The following CFP variants were observed in gnomAD, a reference collection of about 807,000 sequenced individuals.
The protein encoded by CFP is complement factor properdin, also known as properdin.
Under a neutral mutation model 42.1 loss-of-function variants are expected in CFP, and 14 were observed. The observed-to-expected ratio is 0.33, with a 90% CI of 0.22 to 0.52. The LOEUF is 0.52. CFP is among the 20% of genes least tolerant of loss of function. The pLI is 0.96. For synonymous variants in CFP, 149 were observed against 160.6 expected (o/e 0.93, Z 0.54); for missense variants, 318 against 400.4 (o/e 0.79, Z 1.76).
At position 47,629,782 on chromosome X, in the gene CFP, G is replaced by T; in HGVS notation, c.63C>A (p.Thr21=). ...LLLPPLLLLL[T]LPATGSDPVL... ...TCACCCCCTCACCTGTGGCTGGCAG[G>T]GTGAGCAGCAGGAGCAGCGGCGGCA... Residue 21 remains threonine (T), a synonymous_variant, in exon 1 of 9, where the codon ACC becomes ACA. Transcript: ENST00000396992. The T allele has an allele frequency of 8.5e-7, 1 of 1,169,747 alleles. No individual in the cohort carries two copies. The highest frequency in any genetic ancestry group is 1.1e-6 in the Non-Finnish European group (1 of 873,989).
At chrX:47,629,475 C>G in intron 2 of CFP, 49 bp downstream of exon 2, 1 of 1,021,502 alleles carries the variant, frequency 9.8e-7, no homozygotes, top group Non-Finnish European at 1.3e-6. Flanking sequence ...GTGACCCCCA[C>G]AGACAGTCCT....
upstream of CFP, chrX:47,630,182 G>A: frequency 3.3e-6 from 1 of 304,477 alleles, no homozygotes; most frequent in South Asian, 4.8e-5. Context: ...GTGTGACCTT[G>A]GGTGAGTCAC....
At chrX:47,624,560 C>CCT in intron 8 of CFP, 120 bp from the exon 9 acceptor site, 3 of 317,863 alleles carry the variant, frequency 9.4e-6, no homozygotes, top group Non-Finnish European at 1.4e-5. Context: ...TTTTTTTTTC[C>CCT]TTTTTTTTTT....
intron 2 of CFP, chrX:47,629,222 A>G: frequency 3.3e-6 from 1 of 303,885 alleles, no homozygotes; most frequent in Non-Finnish European, 5.8e-6. Context: ...GACATTTGGC[A>G]ATGTCTGCTG....
chrX:47,627,996 C>G, intron 3 of CFP, 106 bp downstream of exon 3: 1 of 969,479 alleles, frequency 1.0e-6, no homozygotes, highest in Non-Finnish European at 1.4e-6. Context: ...CTCCTTAGGT[C>G]CTTACAAACA....
Position 47,628,178 on chromosome X carries a change from C to T in CFP, c.327G>A (p.Gly109=). ...LRYRRCVGWN[G]QCSGKVAPGT... ...CAGGTGCCACCTTTCCAGAGCACTG[C>T]CCATTCCAGCCCACACAGCGCCGGT... The change falls in exon 3 of 9, where the codon GGG becomes GGA. Residue 109 remains glycine (G), a synonymous_variant. Transcript: ENST00000396992. 1 of 1,211,660 alleles carries T rather than the reference C, an allele frequency of 8.3e-7. No homozygotes were observed.
Position 47,624,117 on chromosome X carries a change from G to A in CFP, c.*158C>T. 1 of 554,005 alleles carries A rather than the reference G, an allele frequency of 1.8e-6. No individual in the cohort carries two copies. Among genetic ancestry groups the A allele is most frequent in the Non-Finnish European group, 3.1e-6 (1 of 320,969 alleles). The allele number at this position is 554,005 out of a possible 1,213,427, so 45.7% of individuals were successfully genotyped here. On this transcript the variant is annotated 3_prime_UTR_variant, in exon 9 of 9. Transcript: ENST00000396992. ...TTCCGCAACAGGCTGCTGTGTCTTG[G>A]CCCGTGCTGTGCTGTTTGCCCTATG...
chrX:47,626,449 A>G lies in CFP; in HGVS notation c.1011T>C (p.Cys337=), dbSNP rs376054334. The G allele has an allele frequency of 1.7e-6, 2 of 1,209,317 alleles. No homozygotes were observed. Among genetic ancestry groups the G allele is most frequent in the African/African-American group, 3.5e-5 (2 of 56,858 alleles). The change falls in exon 7 of 9, where the codon TGT becomes TGC. Residue 337 remains cysteine, a synonymous_variant. Coordinates refer to ENST00000396992, the MANE Select transcript of CFP (RefSeq NM_001145252.3). ...GTGACTGCTGGCCCGGGATTTCTTG[A>G]CAGCTGATGGACTTCATGTTCCGTC... ...CIRRNMKSIS[C]QEIPGQQSRG...
chrX:47,629,227 C>T (rs1409003062), intron 2 of CFP: 1 of 323,127 alleles, frequency 3.1e-6, no homozygotes, highest in African/African-American at 2.7e-5. Flanking sequence ...TTGGCAATGT[C>T]TGCTGACATG....
intron 8 of CFP, chrX:47,625,663 CTG>C: frequency 3.9e-6 from 1 of 258,682 alleles, no homozygotes; most frequent in Non-Finnish European, 7.2e-6. Flanking sequence ...GTATCTGCAA[CTG>C]TTGCTGAAAA....
intron 5 of CFP, 88 bp from the exon 6 acceptor site, chrX:47,627,034 T>C: frequency 8.7e-7 from 1 of 1,143,794 alleles, no homozygotes; most frequent in South Asian, 1.9e-5. Context: ...TGTCCCCAAA[T>C]GAAGGGCTGC....
chrX:47,624,536 C>A, intron 8 of CFP, 96 bp from the exon 9 acceptor site: 1 of 489,184 alleles, frequency 2.0e-6, no homozygotes, highest in Non-Finnish European at 2.9e-6. Context: ...ATGCCGAGGG[C>A]TACTTTTTTT....
chrX:47,630,211 A>G, upstream of CFP: 1 of 255,735 alleles, frequency 3.9e-6, no homozygotes, highest in Non-Finnish European at 7.1e-6. Flanking sequence ...CCTGAGCCTC[A>G]GTTTCCCTAT....
chrX:47,629,492 C>G, intron 2 of CFP, 32 bp downstream of exon 2: 2 of 626,911 alleles, frequency 3.2e-6, no homozygotes, highest in Non-Finnish European at 5.1e-6. Context: ...TCCTTCCCTC[C>G]CCCCCATCCC....
At position 47,626,063 on chromosome X, in the gene CFP, C is replaced by T; in HGVS notation, c.1239G>A (p.Lys413=). 1 of 1,173,747 alleles carries T rather than the reference C, an allele frequency of 8.5e-7. No homozygotes were observed. Among genetic ancestry groups the T allele is most frequent in the Non-Finnish European group, 1.1e-6 (1 of 875,042 alleles). ...TACTTTGCCCTCTCACTCACGGGTA[C>T]TTGGGGAGCAAGGGTGTGCAGAGGC... ...RQRLCTPLLP[K]YPPTVSMVEG... The change falls in exon 8 of 9, where the codon AAG becomes AAA. Residue 413 remains lysine (K), a synonymous_variant. Coordinates refer to ENST00000396992, the MANE Select transcript of CFP (RefSeq NM_001145252.3).
At chrX:47,630,158 G>C, upstream of CFP, 1 of 340,036 alleles carries the variant, frequency 2.9e-6, no homozygotes, top group Non-Finnish European at 5.2e-6. Context: ...GGAGCGTGCA[G>C]CAACTTCCTA....
chrX:47,624,481 C>T, intron 8 of CFP, 41 bp from the exon 9 acceptor site: 1 of 1,151,093 alleles, frequency 8.7e-7, no homozygotes, highest in Non-Finnish European at 1.2e-6. Flanking sequence ...GGGAGAATCT[C>T]AGGGAAGGCA....
chrX:47,629,685 G>A lies in CFP; in HGVS notation c.77-11C>T. 1 of 803,508 alleles carries A rather than the reference G, an allele frequency of 1.2e-6. No individual in the cohort carries two copies. Among genetic ancestry groups the A allele is most frequent in the Middle Eastern group, 3.4e-4 (1 of 2,919 alleles). The allele number at this position is 803,508 out of a possible 1,213,427, so 66.2% of individuals were successfully genotyped here. A position where few individuals can be genotyped will look rare whatever the true frequency, so the allele number is the denominator to read the frequency against. ...GCACGGGGTCTGAGCCTGTAACAGG[G>A]CCAGGGGATGGGTGGGTGGGGCTCG... On this transcript the variant is annotated splice_polypyrimidine_tract_variant and intron_variant, in intron 1 of 8. Coordinates refer to ENST00000396992, the MANE Select transcript of CFP (RefSeq NM_001145252.3).
At chrX:47,629,497 C>CCCA in intron 2 of CFP, 27 bp downstream of exon 2, 4 of 774,845 alleles carry the variant, frequency 5.2e-6, no homozygotes, top group African/African-American at 2.1e-5. Context: ...CCCTCCCCCC[C>CCCA]ATCCCCCACC....
Sources: allele counts gnomAD v4.1 joint callset, GRCh38; gene constraint gnomAD v4.1.1; transcripts MANE v1.5; gene names NCBI Gene and HGNC (gene_info 2026-07-23, HGNC 2026-07-21).